Variants in SIK3 observed in about 807,000 individuals in gnomAD.
The protein encoded by SIK3 is serine/threonine-protein kinase SIK3.
A neutral mutation model predicts 144.2 loss-of-function variants in SIK3; 28 were observed. That is an observed-to-expected ratio of 0.19 (90% CI 0.14 to 0.27). The LOEUF is 0.27. Ranked by LOEUF, SIK3 falls within the 10% of genes least tolerant of loss-of-function variation. The pLI is 1.00. For synonymous variants in SIK3, 686 were observed against 676.3 expected (o/e 1.01, Z -0.22); for missense variants, 1,319 against 1,776.0 (o/e 0.74, Z 4.62).
intron 18 of SIK3, 52 bp downstream of exon 18, chr11:116,861,789 G>C (rs1363466630): frequency 8.0e-7 from 1 of 1,248,088 alleles, no homozygotes; most frequent in South Asian, 1.3e-5. Flanking sequence ...TCAAGCCAAG[G>C]GTACCAGGCT....
chr11:116,903,462 T>C (rs909990870), intron 4 of SIK3, among the ~76,000 whole-genome samples: 2 of 151,960 alleles, frequency 1.3e-5, no homozygotes, highest in Admixed American at 6.6e-5. Flanking sequence ...CTGGAAAAAA[T>C]TGAAAGATCA....
At chr11:117,003,377 C>A (rs535805588) in intron 1 of SIK3, among the ~76,000 whole-genome samples, 16 of 152,180 alleles carry the variant, frequency 1.1e-4, no homozygotes, top group African/African-American at 3.6e-4. Flanking sequence ...TGGTTTTGCA[C>A]TTTGGGCAAT....
At chr11:117,003,060 A>T (rs1950910776) in intron 1 of SIK3, among the ~76,000 whole-genome samples, 1 of 152,088 alleles carries the variant, frequency 6.6e-6, no homozygotes, top group Non-Finnish European at 1.5e-5. Flanking sequence ...TGCCAGAGCA[A>T]TAGCCACCAC....
At chr11:117,054,456 AC>A (rs1953418471) in intron 1 of SIK3, among the ~76,000 whole-genome samples, 1 of 152,132 alleles carries the variant, frequency 6.6e-6, no homozygotes, top group African/African-American at 2.4e-5. Flanking sequence ...GGTAAGAGAG[AC>A]CCATCAGAGG....
chr11:116,955,517 G>A (rs1265216941), intron 2 of SIK3, among the ~76,000 whole-genome samples: 1 of 152,222 alleles, frequency 6.6e-6, no homozygotes. Context: ...AATCCTCATA[G>A]GCTAATCTTG....
chr11:116,925,963 T>C (rs956008211), intron 4 of SIK3, among the ~76,000 whole-genome samples: 4 of 152,152 alleles, frequency 2.6e-5, no homozygotes, highest in African/African-American at 9.7e-5. Context: ...TTCAGATATA[T>C]AAAAAGCTAG....
chr11:116,926,659 A>T (rs1947288969), intron 4 of SIK3, among the ~76,000 whole-genome samples: 1 of 152,150 alleles, frequency 6.6e-6, no homozygotes, highest in South Asian at 2.1e-4. Context: ...CCGTTAACCA[A>T]AGTAATAGTA....
At chr11:116,996,819 C>CAAAAAAAAAA (rs11329513) in intron 1 of SIK3, among the ~76,000 whole-genome samples, 2 of 58,406 alleles carry the variant, frequency 3.4e-5, no homozygotes, top group African/African-American at 6.1e-5. Flanking sequence ...GACTCTCTCT[C>CAAAAAAAAAA]AAAAAAAAAA....
intron 1 of SIK3, among the ~76,000 whole-genome samples, chr11:117,026,274 C>T (rs534831357): frequency 6.6e-6 from 1 of 152,180 alleles, no homozygotes; most frequent in Non-Finnish European, 1.5e-5. Context: ...ACAGACCATA[C>T]CACATAGCCC....
rs1943081170 is a variant in SIK3 at position 116,858,214 on chromosome 11, C to G, written c.3251G>C (p.Gly1084Ala). ...DAGSLAPSLG[G>A]QSMTERQALS... is the part of the protein sequence containing the mutation. ...AGCCTGGCGCTCTGTCATGCTCTGT[C>G]CCCCAAGGCTGGGAGCCAGACTCCC... The change falls in exon 21 of 25, where the codon GGA (glycine) becomes GCA (alanine). Residue 1084 changes from glycine (G) to alanine (A), a missense_variant. By Grantham distance (60) the Gly-to-Ala change is moderately conservative. Coordinates refer to ENST00000445177, the MANE Select transcript of SIK3 (RefSeq NM_001366686.3). The surrounding 1 kb of genome is among the most constrained non-coding windows in gnomAD (Gnocchi z 5.4). 2 of 1,614,100 alleles carry G rather than the reference C, an allele frequency of 1.2e-6. No homozygotes were observed. The highest frequency in any genetic ancestry group is 1.3e-5 in the African/African-American group (1 of 75,014).
At chr11:117,013,093 C>G (rs887322475) in intron 1 of SIK3, among the ~76,000 whole-genome samples, 1 of 152,032 alleles carries the variant, frequency 6.6e-6, no homozygotes, top group Non-Finnish European at 1.5e-5. Flanking sequence ...TAGTAGGTAC[C>G]CAACTTTTTA....
chr11:117,057,504 T>C (rs935158549), intron 1 of SIK3, among the ~76,000 whole-genome samples: 30 of 152,156 alleles, frequency 2.0e-4, no homozygotes, highest in African/African-American at 3.9e-4. Context: ...ATTCATTCAA[T>C]AGGAACAAGT....
At chr11:117,078,481 T>C (rs1461891722) in intron 1 of SIK3, among the ~76,000 whole-genome samples, 1 of 149,332 alleles carries the variant, frequency 6.7e-6, no homozygotes. Context: ...AGTGGCATGA[T>C]CTTGGCTCAC....
intron 1 of SIK3, among the ~76,000 whole-genome samples, chr11:117,009,422 T>C (rs962683016): frequency 6.6e-6 from 1 of 151,722 alleles, no homozygotes; most frequent in Non-Finnish European, 1.5e-5. Context: ...GCACTGGGAA[T>C]GGTGGCACGC....
chr11:117,048,979 T>C (rs1323327578), intron 1 of SIK3, among the ~76,000 whole-genome samples: 5 of 152,108 alleles, frequency 3.3e-5, no homozygotes. Context: ...CGCACGCTTG[T>C]AATCCCGGCT....
chr11:116,917,733 A>G, intron 4 of SIK3, among the ~76,000 whole-genome samples: 1 of 147,686 alleles, frequency 6.8e-6, no homozygotes, highest in South Asian at 2.2e-4. Context: ...GAGGAAGGGA[A>G]AGAGAGAGAG....
intron 4 of SIK3, among the ~76,000 whole-genome samples, chr11:116,925,249 G>GAAAACA (rs1947212112): frequency 7.0e-6 from 1 of 142,718 alleles, no homozygotes; most frequent in South Asian, 2.2e-4. Context: ...GCCCTGTCTC[G>GAAAACA]AAAACAAAAA....
At chr11:116,874,288 G>A (rs1473138325) in intron 11 of SIK3, among the ~76,000 whole-genome samples, 1 of 152,158 alleles carries the variant, frequency 6.6e-6, no homozygotes, top group Admixed American at 6.5e-5. Context: ...GGCCATTCAT[G>A]TAAAACCAAC....
At position 117,081,156 on chromosome 11, in the gene SIK3, T is replaced by TA. The variant is rs529674503; in HGVS notation, c.273+16986dup. 6.6e-5 allele frequency among the ~76,000 whole-genome samples: 10 copies of TA among 152,066 alleles called. No individual in the cohort carries two copies. In the East Asian group the frequency reaches 7.7e-4, roughly 12 times the overall value. On this transcript the variant is annotated intron_variant, in intron 1 of 24. Transcript: ENST00000445177. ...ATTGTGGTATGTTCCCTTTTTTAAT[T>TA]AAAAAAAATTTTTACCATGTGAATG...
Sources: gnomAD v4.1 joint callset for allele counts (sites outside exome capture counted in the v4.1 genomes callset) on GRCh38, gnomAD v4.1.1 for gene constraint, Gnocchi (gnomAD v3.1) non-coding constraint, MANE v1.5 for transcripts, NCBI Gene and HGNC (gene_info 2026-07-23, HGNC 2026-07-21) for gene names.